FER: variants seen among roughly 807,000 people sequenced by gnomAD.
FER encodes FER tyrosine kinase.
In FER, 63 loss-of-function variants were observed where a neutral mutation model predicts 111.0. The ratio of observed to expected loss-of-function variants is 0.57; its 90% CI spans 0.46 to 0.70. The LOEUF is 0.70. FER is among the 30% of genes least tolerant of loss of function. The pLI, the probability that FER is intolerant of heterozygous loss-of-function variation, is 0.00. For synonymous variants in FER, 327 were observed against 313.9 expected, an observed-to-expected ratio of 1.04 and a Z score of -0.44; for missense variants, 914 against 954.0, an observed-to-expected ratio of 0.96 and a Z score of 0.55.
intron 13 of FER, among the ~76,000 whole-genome samples, chr5:108,985,067 A>G (rs1409075246): frequency 6.6e-6 from 1 of 152,142 alleles, no homozygotes; most frequent in Admixed American, 6.6e-5. Context: ...ATTACGAATT[A>G]AAACTAGTGC....
rs150747381 is a variant in FER at position 108,814,308 on chromosome 5, G to T, written c.207+15919G>T. 1.3e-3 allele frequency among the ~76,000 whole-genome samples: 195 copies of T among 152,114 alleles called. 2 individuals are homozygous for T. The highest frequency in any genetic ancestry group is 4.4e-3 in the African/African-American group (184 of 41,496). On this transcript the variant is annotated intron_variant, in intron 3 of 19. Coordinates refer to ENST00000281092, the MANE Select transcript of FER (RefSeq NM_005246.4). ...CCCCAAGGGAGGGTTATTGGATCTCGCGCAAGAAATAATTCAGAACAGGTC... is the reference window on the plus strand; with the variant it reads ...CCCCAAGGGAGGGTTATTGGATCTCTCGCAAGAAATAATTCAGAACAGGTC...
Position 109,051,304 on chromosome 5 carries a change from G to A in FER, c.1924+4106G>A, listed in dbSNP as rs914498343. On this transcript the variant is annotated intron_variant, in intron 16 of 19. Coordinates refer to ENST00000281092, the MANE Select transcript of FER (RefSeq NM_005246.4). ...GTGAGAGGAATCTTGATACTTTCAAGCCTGTATCTAGATCTCCAGGTCATC... is the reference window on the plus strand; with the variant it reads ...GTGAGAGGAATCTTGATACTTTCAAACCTGTATCTAGATCTCCAGGTCATC... 1.2e-5 allele frequency: 19 copies of A among 1,522,018 alleles called. No homozygotes were observed. In the South Asian group the frequency reaches 2.1e-4, roughly 17 times the overall value. The allele number at this position is 1,522,018 out of a possible 1,614,324, so 94.3% of individuals were successfully genotyped here. A position where few individuals can be genotyped will look rare whatever the true frequency, so the allele number is the denominator to read the frequency against.
intron 10 of FER, among the ~76,000 whole-genome samples, chr5:108,919,603 A>G (rs945439144): frequency 6.6e-6 from 1 of 152,184 alleles, no homozygotes; most frequent in Non-Finnish European, 1.5e-5. Context: ...TGCTAGATAT[A>G]TAACATACTT....
Position 108,804,234 on chromosome 5 carries a change from G to A in FER, c.207+5845G>A, listed in dbSNP as rs190097262. Among the ~76,000 whole-genome samples the A allele has an allele frequency of 8.5e-5, 13 of 152,220 alleles. No individual in the cohort carries two copies. In the East Asian group the frequency reaches 2.3e-3, roughly 27 times the overall value. ...GTTTATCAGTTTCAGGAGCCTTTTG[G>A]TGAAGTATTTAGGGCTTTGTAGGTA... On this transcript the variant is annotated intron_variant, in intron 3 of 19. Coordinates refer to ENST00000281092, the MANE Select transcript of FER (RefSeq NM_005246.4).
chr5:109,088,427 T>G (rs1044253246), intron 16 of FER, among the ~76,000 whole-genome samples: 1 of 152,090 alleles, frequency 6.6e-6, no homozygotes, highest in African/African-American at 2.4e-5. Context: ...TAATGGGAAA[T>G]ATTTAAGCAG....
intron 17 of FER, among the ~76,000 whole-genome samples, chr5:109,166,490 T>C (rs1289657860): frequency 1.3e-5 from 2 of 152,208 alleles, no homozygotes; most frequent in East Asian, 3.8e-4. Context: ...TTCTTACTGT[T>C]GAGCTATCAT....
intron 2 of FER, among the ~76,000 whole-genome samples, chr5:108,777,957 C>T (rs1314967949): frequency 1.3e-5 from 2 of 152,138 alleles, no homozygotes; most frequent in East Asian, 3.9e-4. Flanking sequence ...ATGGGAGCTA[C>T]AAGATGAGAT....
chr5:109,015,292 G>A (rs1037801097), intron 13 of FER, among the ~76,000 whole-genome samples: 8 of 151,958 alleles, frequency 5.3e-5, no homozygotes, highest in Non-Finnish European at 1.0e-4. Context: ...TTCTTTTGTA[G>A]TAAAACTTGA....
chr5:108,794,739 GAA>G (rs1192964591), intron 2 of FER, among the ~76,000 whole-genome samples: 4 of 152,118 alleles, frequency 2.6e-5, no homozygotes, highest in African/African-American at 9.6e-5. Flanking sequence ...GATTTCCACT[GAA>G]AAGGCTGCTG....
chr5:108,949,072 T>C (rs1393794042), intron 11 of FER, among the ~76,000 whole-genome samples: 1 of 152,130 alleles, frequency 6.6e-6, no homozygotes, highest in Non-Finnish European at 1.5e-5. Flanking sequence ...TTCCTTCATA[T>C]AGAATAATAT....
In FER at chr5:108,883,614, A is replaced by C. The variant is rs1308497597; in HGVS notation, c.1046+96A>C. ...GGCAGTGTGAACCTAACATTTCTAGAAACAGAAACTTTTATTTTAAGTATG... is the reference window on the plus strand; with the variant it reads ...GGCAGTGTGAACCTAACATTTCTAGCAACAGAAACTTTTATTTTAAGTATG... On this transcript the variant is annotated intron_variant, in intron 9 of 19. Coordinates refer to ENST00000281092, the MANE Select transcript of FER (RefSeq NM_005246.4). 2.8e-6 allele frequency: 3 copies of C among 1,088,584 alleles called. No individual in the cohort carries two copies. The African/African-American group carries it at 5.2e-5, about 19-fold the overall frequency. The allele number at this position is 1,088,584 out of a possible 1,614,324, so 67.4% of individuals were successfully genotyped here.
At position 109,096,113 on chromosome 5, in the gene FER, G is replaced by A. The variant is rs572439813; in HGVS notation, c.1925-4283G>A. 2.6e-5 allele frequency among the ~76,000 whole-genome samples: 4 copies of A among 152,120 alleles called. No individual in the cohort carries two copies. In the South Asian group the frequency reaches 8.3e-4, roughly 32 times the overall value. The stretch of plus-strand genomic sequence containing the variant: ...ATCTCACTGAGTTTATGTTTAGTGT[G>A]ATCGGTTCCTCTGAGCCCCATTAAT... On this transcript the variant is annotated intron_variant, in intron 16 of 19. Coordinates refer to ENST00000281092, the MANE Select transcript of FER (RefSeq NM_005246.4).
chr5:108,775,685 A>C (rs377302376), intron 2 of FER, among the ~76,000 whole-genome samples: 1 of 152,276 alleles, frequency 6.6e-6, no homozygotes, highest in East Asian at 1.9e-4. Flanking sequence ...CTTGCATGTA[A>C]CTTTTATATT....
chr5:108,940,990 C>A (rs1012147854), intron 10 of FER, among the ~76,000 whole-genome samples: 3 of 152,038 alleles, frequency 2.0e-5, no homozygotes, highest in African/African-American at 7.2e-5. Flanking sequence ...GGTATTAGAG[C>A]TGAAAGTTGT....
chr5:109,043,947 G>A (rs149965747), intron 14 of FER, among the ~76,000 whole-genome samples: 279 of 151,726 alleles, frequency 1.8e-3, no homozygotes, highest in African/African-American at 6.5e-3. Flanking sequence ...CTCCAGACTG[G>A]CAACAGAGTG....
At position 109,066,911 on chromosome 5, in the gene FER, G is replaced by T. The variant is rs144478581; in HGVS notation, c.1924+19713G>T. Among the ~76,000 whole-genome samples, 58 of 152,274 alleles carry T rather than the reference G, an allele frequency of 3.8e-4. 1 individual carries two copies. In the East Asian group the frequency reaches 9.9e-3, roughly 26 times the overall value. ...TGATATGAAAAAAAGTGATCAGAGGGATGGTAGCAGGTGGAATCTATTTTG... is the reference window on the plus strand; with the variant it reads ...TGATATGAAAAAAAGTGATCAGAGGTATGGTAGCAGGTGGAATCTATTTTG... On this transcript the variant is annotated intron_variant, in intron 16 of 19. Coordinates refer to ENST00000281092, the MANE Select transcript of FER (RefSeq NM_005246.4).
rs1467523768 is a variant in FER, at chr5:108,963,632, C to A, written c.1656+4285C>A. Reference sequence around the variant, plus strand: ...GAGGGCAATTAATTTGAACCTTAGACAACCAGCTTAAATTAAGTAATTGTA... The same window carrying A: ...GAGGGCAATTAATTTGAACCTTAGAAAACCAGCTTAAATTAAGTAATTGTA... On this transcript the variant is annotated intron_variant, in intron 13 of 19. Transcript: ENST00000281092. Among the ~76,000 whole-genome samples, 10 of 152,122 alleles carry A rather than the reference C, an allele frequency of 6.6e-5. No individual in the cohort carries two copies. The South Asian group carries it at 1.4e-3, about 22-fold the overall frequency.
At chr5:109,185,147 C>A (rs1326111267) in intron 18 of FER, among the ~76,000 whole-genome samples, 18 of 152,122 alleles carry the variant, frequency 1.2e-4, no homozygotes, top group African/African-American at 4.1e-4. Context: ...ACGTCCATCT[C>A]CAGAAGACAA....
intron 9 of FER, chr5:108,891,435 T>C (rs1748031176): frequency 6.6e-6 from 1 of 152,124 alleles, no homozygotes. Flanking sequence ...AAGTCCATTT[T>C]AGGCTGGTCC....
Sources: gnomAD v4.1 joint callset for allele counts (sites outside exome capture counted in the v4.1 genomes callset) on GRCh38, gnomAD v4.1.1 for gene constraint, MANE v1.5 for transcripts, NCBI Gene and HGNC (gene_info 2026-07-23, HGNC 2026-07-21) for gene names.